The following EPHB1 variants were observed in gnomAD, a reference collection of about 807,000 sequenced individuals.
EPHB1 encodes ephrin type-B receptor 1.
A neutral mutation model predicts 94.4 loss-of-function variants in EPHB1; 30 were observed. That is an observed-to-expected ratio of 0.32 (90% CI 0.24 to 0.43). The LOEUF is 0.43. Among genes scored for constraint, EPHB1 ranks in the 20% least tolerant of loss-of-function variants. EPHB1 has a pLI of 1.00. For synonymous variants in EPHB1, 522 were observed against 489.1 expected, an observed-to-expected ratio of 1.07 and a Z score of -0.89; for missense variants, 1,055 against 1,308.3, an observed-to-expected ratio of 0.81 and a Z score of 2.99.
chr3:134,880,092 A>G (rs1301214102), intron 1 of EPHB1, among the ~76,000 whole-genome samples: 1 of 152,192 alleles, frequency 6.6e-6, no homozygotes, highest in Non-Finnish European at 1.5e-5. Flanking sequence ...TTTTGCTCAG[A>G]GGCTGGAAGA....
chr3:135,005,607 GA>G (rs1020381856), intron 3 of EPHB1, among the ~76,000 whole-genome samples: 3 of 152,200 alleles, frequency 2.0e-5, no homozygotes, highest in African/African-American at 7.2e-5. Context: ...AGCAATCAGC[GA>G]GACTCCGTGG....
rs557989010 is a variant in EPHB1 at position 134,877,618 on chromosome 3, G to A, written c.59-48198G>A. The stretch of plus-strand genomic sequence containing the variant: ...ATTGTTACTGACAACAAAGAAACTA[G>A]GTTTGTGAATAATTTACTTCTCTTA... On this transcript the variant is annotated intron_variant, in intron 1 of 15. Transcript: ENST00000398015. Among the ~76,000 whole-genome samples, 5 of 152,240 alleles carry A rather than the reference G, an allele frequency of 3.3e-5. No individual in the cohort carries two copies. The East Asian group carries it at 9.7e-4, about 29-fold the overall frequency.
chr3:134,812,729 G>A (rs989005528), intron 1 of EPHB1, among the ~76,000 whole-genome samples: 2 of 152,186 alleles, frequency 1.3e-5, no homozygotes, highest in African/African-American at 2.4e-5. Context: ...CTCCAGCAGT[G>A]TATGAGACCC....
intron 3 of EPHB1, among the ~76,000 whole-genome samples, chr3:135,022,104 C>G (rs1231328421): frequency 6.6e-6 from 1 of 152,104 alleles, no homozygotes; most frequent in Non-Finnish European, 1.5e-5. Context: ...CCCAGCCTCC[C>G]GAGTAGCTGG....
chr3:135,183,414 G>C (rs75677209), intron 10 of EPHB1, among the ~76,000 whole-genome samples: 40,371 of 151,982 alleles, frequency 0.27, 5,704 homozygotes, highest in East Asian at 0.48. Context: ...AGAGGAGAAG[G>C]CTATGTTTGT....
rs1189695585 is a variant in EPHB1 at position 134,951,242 on chromosome 3, C to T, written c.124-129C>T. ...GCTTAGATGTGTTCATTTCTCAAGTCAATCTGCTGGACTGGTGAGCTCTTA... is the reference window on the plus strand; with the variant it reads ...GCTTAGATGTGTTCATTTCTCAAGTTAATCTGCTGGACTGGTGAGCTCTTA... On this transcript the variant is annotated intron_variant, in intron 2 of 15. Transcript: ENST00000398015. The surrounding 1 kb of genome is among the most constrained non-coding windows in gnomAD (Gnocchi z 4.5). The T allele has an allele frequency of 8.3e-6, 6 of 720,096 alleles. No homozygotes were observed. The African/African-American group carries it at 8.9e-5, about 11-fold the overall frequency. The allele number at this position is 720,096 out of a possible 1,614,324, so 44.6% of individuals were successfully genotyped here.
intron 1 of EPHB1, among the ~76,000 whole-genome samples, chr3:134,829,531 T>C (rs1297253586): frequency 6.6e-6 from 1 of 152,200 alleles, no homozygotes; most frequent in Non-Finnish European, 1.5e-5. Context: ...AGAGCTTCTT[T>C]CTGTTTATCT....
chr3:134,888,250 G>A (rs1036199704), intron 1 of EPHB1, among the ~76,000 whole-genome samples: 3 of 152,082 alleles, frequency 2.0e-5, no homozygotes, highest in African/African-American at 7.2e-5. Flanking sequence ...CATTTTACTG[G>A]AATTGAAACC....
At chr3:134,889,919 C>T (rs1178958803) in intron 1 of EPHB1, among the ~76,000 whole-genome samples, 1 of 151,890 alleles carries the variant, frequency 6.6e-6, no homozygotes, top group African/African-American at 2.4e-5. Context: ...ACCTCGTGAT[C>T]CTCCCACCTC....
intron 1 of EPHB1, among the ~76,000 whole-genome samples, chr3:134,865,301 G>C (rs2037350781): frequency 6.6e-6 from 1 of 152,084 alleles, no homozygotes; most frequent in Non-Finnish European, 1.5e-5. Context: ...TCTCAGTAAT[G>C]AGCCACAACC....
At chr3:134,823,949 C>T (rs771346542) in intron 1 of EPHB1, 1 of 152,150 alleles carries the variant, frequency 6.6e-6, no homozygotes, top group African/African-American at 2.4e-5. Flanking sequence ...GAAGGCCTTC[C>T]ATCAGCCCTC....
At chr3:135,131,371 A>G (rs1940409162) in intron 4 of EPHB1, among the ~76,000 whole-genome samples, 1 of 151,958 alleles carries the variant, frequency 6.6e-6, no homozygotes, top group Non-Finnish European at 1.5e-5. Flanking sequence ...TTATTCCCTC[A>G]TTTTTTGTGT....
chr3:134,862,690 A>T (rs2037293043), intron 1 of EPHB1, among the ~76,000 whole-genome samples: 1 of 152,070 alleles, frequency 6.6e-6, no homozygotes, highest in Non-Finnish European at 1.5e-5. Context: ...ATCTGGCTGG[A>T]CATGTTGCCG....
intron 4 of EPHB1, among the ~76,000 whole-genome samples, chr3:135,120,146 T>C (rs945678206): frequency 2.6e-5 from 4 of 152,230 alleles, no homozygotes; most frequent in African/African-American, 7.2e-5. Flanking sequence ...ACAAATGTCA[T>C]TAAACAATCC....
At chr3:134,868,091 G>A (rs928126831) in intron 1 of EPHB1, among the ~76,000 whole-genome samples, 1 of 152,194 alleles carries the variant, frequency 6.6e-6, no homozygotes, top group South Asian at 2.1e-4. Flanking sequence ...TTAATGAAAA[G>A]ATACCCAATT....
rs528248805 is a variant in EPHB1, at chr3:134,883,844, G to T, written c.59-41972G>T. Among the ~76,000 whole-genome samples the T allele has an allele frequency of 2.0e-5, 3 of 152,288 alleles. No homozygotes were observed. The South Asian group carries it at 6.2e-4, about 32-fold the overall frequency. On this transcript the variant is annotated intron_variant, in intron 1 of 15. Coordinates refer to ENST00000398015, the MANE Select transcript of EPHB1 (RefSeq NM_004441.5). ...TGCCCTGCCTTAGAGGCAAGAGGTG[G>T]GTGAGTGGTCAGGGTGAGCACTCTT...
chr3:134,943,288 A>G (rs940621650), intron 2 of EPHB1, among the ~76,000 whole-genome samples: 2 of 152,218 alleles, frequency 1.3e-5, no homozygotes, highest in African/African-American at 4.8e-5. Context: ...AACATCAGCA[A>G]CAACATCGAG....
chr3:135,179,793 A>G (rs2107704767), intron 9 of EPHB1, 67 bp from the exon 10 acceptor site: 2 of 1,589,250 alleles, frequency 1.3e-6, no homozygotes, highest in East Asian at 4.5e-5. Context: ...TGCTGGGGAC[A>G]TCAGCAGTGC....
At chr3:135,131,249 A>T (rs1259586800) in intron 4 of EPHB1, among the ~76,000 whole-genome samples, 1 of 151,968 alleles carries the variant, frequency 6.6e-6, no homozygotes, top group Non-Finnish European at 1.5e-5. Context: ...TACAGTACTG[A>T]TTTTCTTTCA....
Sources: gnomAD v4.1 joint callset for allele counts (sites outside exome capture counted in the v4.1 genomes callset) on GRCh38, gnomAD v4.1.1 for gene constraint, Gnocchi (gnomAD v3.1) non-coding constraint, MANE v1.5 for transcripts, NCBI Gene and HGNC (gene_info 2026-07-23, HGNC 2026-07-21) for gene names.